Variants in APPBP2 observed in about 807,000 individuals in gnomAD.
APPBP2 encodes amyloid protein-binding protein 2.
In APPBP2, 15 loss-of-function variants were observed where a neutral mutation model predicts 76.0. The observed-to-expected ratio is 0.20, with a 90% confidence interval of 0.13 to 0.30. The LOEUF (loss-of-function observed/expected upper bound fraction) is 0.30, where lower values mean the gene tolerates loss of function less well. APPBP2 is among the 10% of genes least tolerant of loss of function. APPBP2 has a pLI of 1.00. For synonymous variants in APPBP2, 222 were observed against 242.2 expected (o/e 0.92, Z 0.77); for missense variants, 401 against 687.2 (o/e 0.58, Z 4.66).
intron 1 of APPBP2, among the ~76,000 whole-genome samples, chr17:60,522,180 C>T (rs1013377464): frequency 2.0e-5 from 3 of 152,146 alleles, no homozygotes; most frequent in African/African-American, 7.2e-5. Flanking sequence ...TTTTAGTCAC[C>T]TTCCCTTCTC....
intron 3 of APPBP2, among the ~76,000 whole-genome samples, chr17:60,481,996 C>A (rs1473238434): frequency 6.6e-6 from 1 of 152,180 alleles, no homozygotes; most frequent in Non-Finnish European, 1.5e-5. Flanking sequence ...GATTCTCCTA[C>A]CTCAGCCTCC....
At chr17:60,482,468 C>T (rs1171454676) in intron 3 of APPBP2, among the ~76,000 whole-genome samples, 3 of 151,958 alleles carry the variant, frequency 2.0e-5, no homozygotes, top group African/African-American at 7.3e-5. Flanking sequence ...TATTATTATA[C>T]TTTAAGTTCT....
intron 2 of APPBP2, among the ~76,000 whole-genome samples, chr17:60,496,702 GA>G (rs1328223257): frequency 6.6e-6 from 1 of 151,958 alleles, no homozygotes; most frequent in Non-Finnish European, 1.5e-5. Context: ...CTTGAACACT[GA>G]AATCATGCTG....
At chr17:60,475,181 G>C (rs1298311820) in intron 4 of APPBP2, among the ~76,000 whole-genome samples, 1 of 151,860 alleles carries the variant, frequency 6.6e-6, no homozygotes, top group Non-Finnish European at 1.5e-5. Context: ...AGTGAGCCGC[G>C]ATCACACCAC....
intron 1 of APPBP2, among the ~76,000 whole-genome samples, chr17:60,510,871 C>G (rs1392208942): frequency 2.6e-5 from 4 of 152,078 alleles, no homozygotes; most frequent in Non-Finnish European, 5.9e-5. Context: ...AAAGGGCAAC[C>G]CTTTACTAAA....
intron 2 of APPBP2, among the ~76,000 whole-genome samples, chr17:60,497,393 T>C (rs987819076): frequency 6.6e-6 from 1 of 152,016 alleles, no homozygotes; most frequent in Non-Finnish European, 1.5e-5. Flanking sequence ...GGTTAATGGG[T>C]ACAATAAAAT....
chr17:60,478,647 C>G (rs2090607671), intron 4 of APPBP2, among the ~76,000 whole-genome samples: 1 of 152,146 alleles, frequency 6.6e-6, no homozygotes, highest in Non-Finnish European at 1.5e-5. Context: ...CTGGGCCAGG[C>G]ACGGTGGCTC....
At chr17:60,456,632 C>G (rs986248692) in intron 9 of APPBP2, among the ~76,000 whole-genome samples, 4 of 152,152 alleles carry the variant, frequency 2.6e-5, no homozygotes, top group African/African-American at 9.7e-5. Flanking sequence ...CATGATCTTT[C>G]AGCCTGCTAC....
At chr17:60,525,478 G>A (rs567205025) in intron 1 of APPBP2, among the ~76,000 whole-genome samples, 1 of 152,296 alleles carries the variant, frequency 6.6e-6, no homozygotes, top group Non-Finnish European at 1.5e-5. Flanking sequence ...GGGCTAGAAG[G>A]AAAGGACTAG....
intron 4 of APPBP2, among the ~76,000 whole-genome samples, chr17:60,469,965 G>A (rs574986127): frequency 1.8e-3 from 267 of 151,944 alleles, no homozygotes; most frequent in Middle Eastern, 6.8e-3. Context: ...GTACTCCACA[G>A]CAGCTGCACC....
chr17:60,521,088 A>ACT (rs2091006669), intron 1 of APPBP2, among the ~76,000 whole-genome samples: 1 of 151,792 alleles, frequency 6.6e-6, no homozygotes, highest in Admixed American at 6.6e-5. Context: ...GGCATATATC[A>ACT]CTCCATCTGC....
At chr17:60,518,311 T>G (rs1398009481) in intron 1 of APPBP2, among the ~76,000 whole-genome samples, 26 of 151,792 alleles carry the variant, frequency 1.7e-4, no homozygotes, top group Admixed American at 1.7e-3. Context: ...CCTCTCAAAG[T>G]GCTGGGATTA....
intron 1 of APPBP2, among the ~76,000 whole-genome samples, chr17:60,522,873 T>TA (rs1233255668): frequency 1.2e-3 from 179 of 149,250 alleles, no homozygotes; most frequent in Middle Eastern, 6.8e-3. Context: ...TTTTTTTTTT[T>TA]AAAAAAAAGA....
intron 12 of APPBP2, 136 bp from the exon 13 acceptor site, chr17:60,447,970 T>C (rs1439088960): frequency 2.1e-5 from 17 of 806,032 alleles, no homozygotes; most frequent in Non-Finnish European, 2.8e-5. Flanking sequence ...ATAGATATAA[T>C]TCTTGTATCA....
chr17:60,468,216 C>G (rs768498225), intron 4 of APPBP2, among the ~76,000 whole-genome samples: 4 of 152,014 alleles, frequency 2.6e-5, no homozygotes, highest in Non-Finnish European at 5.9e-5. Flanking sequence ...TGGGACAATG[C>G]AACTCTATCA....
At chr17:60,457,996 G>A (rs1210937513) in intron 9 of APPBP2, among the ~76,000 whole-genome samples, 1 of 131,798 alleles carries the variant, frequency 7.6e-6, no homozygotes, top group Non-Finnish European at 1.5e-5. Context: ...ATCAATTTAT[G>A]TTCTCTCTAC....
At chr17:60,520,972 T>C (rs1472739184) in intron 1 of APPBP2, among the ~76,000 whole-genome samples, 1 of 152,060 alleles carries the variant, frequency 6.6e-6, no homozygotes, top group East Asian at 1.9e-4. Context: ...CAGGCTGGAG[T>C]GCAGTATTCA....
chr17:60,511,346 G>C (rs2090911161), intron 1 of APPBP2, among the ~76,000 whole-genome samples: 1 of 152,138 alleles, frequency 6.6e-6, no homozygotes, highest in Non-Finnish European at 1.5e-5. Flanking sequence ...CAGCACTCTG[G>C]GAAGCCGAGG....
chr17:60,453,311 G>GCCCAGCC (rs2090409091), intron 11 of APPBP2, among the ~76,000 whole-genome samples: 1 of 151,884 alleles, frequency 6.6e-6, no homozygotes, highest in East Asian at 1.9e-4. Context: ...AGCCTCCTGA[G>GCCCAGCC]TAGCTGGGAC....
Sources: allele counts gnomAD v4.1 joint callset (sites outside exome capture counted in the v4.1 genomes callset), GRCh38; gene constraint gnomAD v4.1.1; transcripts MANE v1.5; gene names NCBI Gene and HGNC (gene_info 2026-07-23, HGNC 2026-07-21).